MAPK6: variants seen among roughly 807,000 people sequenced by gnomAD.
MAPK6 encodes the protein ERK-3.
MAPK6 carries 19 observed loss-of-function variants against 59.3 expected under a neutral mutation model. The observed-to-expected ratio is 0.32, with a 90% CI of 0.22 to 0.47. MAPK6 has a LOEUF of 0.47. Ranked by LOEUF, MAPK6 falls within the 20% of genes least tolerant of loss-of-function variation. The pLI, the probability that MAPK6 is intolerant of heterozygous loss-of-function variation, is 1.00. For synonymous variants in MAPK6, 316 were observed against 290.3 expected, an observed-to-expected ratio of 1.09 and a Z score of -0.90; for missense variants, 724 against 847.9, an observed-to-expected ratio of 0.85 and a Z score of 1.81.
At chr15:52,044,370 G>GTCTTTC (rs1269059254) in intron 1 of MAPK6, among the ~76,000 whole-genome samples, 1 of 152,176 alleles carries the variant, frequency 6.6e-6, no homozygotes, top group African/African-American at 2.4e-5. Context: ...TATTAAAGCT[G>GTCTTTC]TCTTTCTCCT....
At chr15:52,063,164 A>AAGCAGTTCTCCTGC (rs1488413125) in intron 5 of MAPK6, among the ~76,000 whole-genome samples, 3 of 152,254 alleles carry the variant, frequency 2.0e-5, no homozygotes, top group African/African-American at 2.4e-5. Flanking sequence ...TCCTGAGTTC[A>AAGCAGTTCTCCTGC]AGCAGTTCTC....
chr15:52,016,111 C>T (rs1318687758), upstream of MAPK6, among the ~76,000 whole-genome samples: 2 of 132,510 alleles, frequency 1.5e-5, no homozygotes, highest in Admixed American at 7.7e-5. Flanking sequence ...CACACACAAA[C>T]TAAAACTGGC....
intron 1 of MAPK6, among the ~76,000 whole-genome samples, chr15:52,029,077 G>A (rs976696640): frequency 6.6e-5 from 10 of 152,076 alleles, no homozygotes; most frequent in South Asian, 4.1e-4. Flanking sequence ...TCTCGCTGTC[G>A]TCCAGGTTGG....
At chr15:51,983,032 A>C (rs2057179341) in intron 1 of MAPK6, among the ~76,000 whole-genome samples, 2 of 152,224 alleles carry the variant, frequency 1.3e-5, no homozygotes, top group Non-Finnish European at 2.9e-5. Flanking sequence ...ACACATGTAC[A>C]CACTTTTTAT....
At chr15:51,985,984 A>G (rs1465586804) in intron 2 of MAPK6, among the ~76,000 whole-genome samples, 1 of 151,992 alleles carries the variant, frequency 6.6e-6, no homozygotes, top group Non-Finnish European at 1.5e-5. Context: ...ACAACGACAA[A>G]AAAATTGTAT....
chr15:51,979,281 AAC>A (rs1316842229), intron 1 of MAPK6, among the ~76,000 whole-genome samples: 1 of 151,616 alleles, frequency 6.6e-6, no homozygotes, highest in Non-Finnish European at 1.5e-5. Flanking sequence ...GAGAAGGAAG[AAC>A]AGAGAAGCTA....
chr15:52,050,161 AT>A (rs777083259), intron 3 of MAPK6, 24 bp downstream of exon 3: 24 of 1,580,898 alleles, frequency 1.5e-5, no homozygotes, highest in Non-Finnish European at 2.0e-5. Context: ...GGGGGGAAAA[AT>A]TTTCCCAAAG....
At chr15:51,976,923 A>C (rs1282171227) in intron 1 of MAPK6, among the ~76,000 whole-genome samples, 1 of 151,766 alleles carries the variant, frequency 6.6e-6, no homozygotes, top group Non-Finnish European at 1.5e-5. Context: ...AGCCTGGGAG[A>C]TAGAGCAAGA....
At chr15:51,990,996 C>T (rs1001719468) in intron 2 of MAPK6, among the ~76,000 whole-genome samples, 1 of 151,854 alleles carries the variant, frequency 6.6e-6, no homozygotes, top group African/African-American at 2.4e-5. Context: ...GGTGTGAGGG[C>T]ACATGCCTGT....
intron 3 of MAPK6, among the ~76,000 whole-genome samples, chr15:52,054,738 A>ACG (rs2141107183): frequency 6.7e-6 from 1 of 150,328 alleles, no homozygotes; most frequent in South Asian, 2.1e-4. Flanking sequence ...ATACACACAC[A>ACG]CACACACACA....
At chr15:52,061,625 A>G in intron 5 of MAPK6, 125 bp downstream of exon 5, 1 of 768,356 alleles carries the variant, frequency 1.3e-6, no homozygotes, top group Non-Finnish European at 2.0e-6. Flanking sequence ...ATGTAAAGAT[A>G]CAAAAATTAG....
In MAPK6 at chr15:52,066,098, C is replaced by T. The variant is rs1363887763; in HGVS notation, c.*1098C>T. The T allele has an allele frequency of 6.6e-6, 1 of 152,638 alleles. No individual in the cohort carries two copies. The highest frequency in any genetic ancestry group is 1.5e-5 in the Non-Finnish European group (1 of 68,040). 9.5% of individuals were successfully genotyped at this position (152,638 alleles called of 1,614,324 possible). ...TTACTGTATGTTTTTACTGAATGAT[C>T]TATTCCCCATCCCAAGGCAAGCATG... On this transcript the variant is annotated 3_prime_UTR_variant, in exon 6 of 6. Transcript: ENST00000261845.
chr15:52,052,474 TAC>T (rs1172758392), intron 3 of MAPK6, among the ~76,000 whole-genome samples: 1 of 152,234 alleles, frequency 6.6e-6, no homozygotes, highest in Non-Finnish European at 1.5e-5. Context: ...TTAGTATATT[TAC>T]AGAGTTGTGT....
intron 2 of MAPK6, among the ~76,000 whole-genome samples, chr15:51,983,748 A>C (rs1250566163): frequency 1.3e-5 from 2 of 152,290 alleles, no homozygotes; most frequent in South Asian, 2.1e-4. Flanking sequence ...TTGAGGATGC[A>C]GTGAGCCATG....
chr15:51,987,474 G>A (rs1333031945), intron 2 of MAPK6, among the ~76,000 whole-genome samples: 22 of 151,996 alleles, frequency 1.4e-4, no homozygotes, highest in African/African-American at 4.6e-4. Flanking sequence ...GCATGGTGGC[G>A]TGCACCTGTA....
chr15:51,997,378 T>C (rs2057227674), intron 2 of MAPK6, among the ~76,000 whole-genome samples: 3 of 149,218 alleles, frequency 2.0e-5, no homozygotes, highest in African/African-American at 7.6e-5. Flanking sequence ...TTCAAATGAT[T>C]CTCCTGCCTC....
At chr15:51,985,906 C>G (rs1235971580) in intron 2 of MAPK6, among the ~76,000 whole-genome samples, 1 of 151,092 alleles carries the variant, frequency 6.6e-6, no homozygotes, top group African/African-American at 2.4e-5. Flanking sequence ...TGCAGTGAGC[C>G]GAGATCGCTC....
intron 1 of MAPK6, among the ~76,000 whole-genome samples, chr15:52,033,065 C>T (rs547644342): frequency 3.9e-5 from 6 of 152,314 alleles, no homozygotes; most frequent in Admixed American, 3.3e-4. Context: ...ACCTCACTTC[C>T]TGAGAAGTAA....
chr15:52,057,693 C>T (rs1011039119), intron 3 of MAPK6, among the ~76,000 whole-genome samples: 15 of 152,290 alleles, frequency 9.8e-5, no homozygotes, highest in African/African-American at 3.1e-4. Flanking sequence ...TATAGGCATG[C>T]GCCTTGCCTG....
Sources: allele counts gnomAD v4.1 joint callset (sites outside exome capture counted in the v4.1 genomes callset), GRCh38; gene constraint gnomAD v4.1.1; transcripts MANE v1.5; gene names NCBI Gene and HGNC (gene_info 2026-07-23, HGNC 2026-07-21).